The following ARFGAP1 variants were observed in gnomAD, a reference collection of about 807,000 sequenced individuals.
The protein encoded by ARFGAP1 is ARF GTPase activating protein 1.
Under a neutral mutation model 54.0 loss-of-function variants are expected in ARFGAP1, and 26 were observed. That is an observed-to-expected ratio of 0.48 (90% CI 0.35 to 0.67). The LOEUF (loss-of-function observed/expected upper bound fraction) is 0.67, where lower values mean the gene tolerates loss of function less well. Among genes scored for constraint, ARFGAP1 ranks in the 30% least tolerant of loss-of-function variants. ARFGAP1 has a pLI of 0.00. For synonymous variants in ARFGAP1, 248 were observed against 211.9 expected, an observed-to-expected ratio of 1.17 and a Z score of -1.48; for missense variants, 525 against 535.8, an observed-to-expected ratio of 0.98 and a Z score of 0.20.
intron 10 of ARFGAP1, 43 bp from the exon 11 acceptor site, chr20:63,285,611 A>T: frequency 6.3e-7 from 1 of 1,599,758 alleles, no homozygotes; most frequent in Non-Finnish European, 8.6e-7. Context: ...TTAAGCTTTC[A>T]TCTCTCCCGC....
chr20:63,273,235 G>C (rs1346541851), intron 1 of ARFGAP1: 1 of 151,494 alleles, frequency 6.6e-6, no homozygotes, highest in East Asian at 2.0e-4. Context: ...TCTCCCACCG[G>C]TTACGGGAGT....
At chr20:63,277,596 G>A (rs1011902408) in intron 5 of ARFGAP1, among the ~76,000 whole-genome samples, 1 of 152,178 alleles carries the variant, frequency 6.6e-6, no homozygotes, top group African/African-American at 2.4e-5. Flanking sequence ...ATCTGCTCAC[G>A]GGGGTGTTGT....
At chr20:63,279,066 G>A in intron 7 of ARFGAP1, 71 bp downstream of exon 7, 1 of 1,419,386 alleles carries the variant, frequency 7.0e-7, no homozygotes, top group Non-Finnish European at 9.9e-7. Flanking sequence ...GGCCATAGTG[G>A]GCAGTGTGGC....
At chr20:63,278,347 A>T in intron 6 of ARFGAP1, 144 bp downstream of exon 6, 1 of 752,736 alleles carries the variant, frequency 1.3e-6, no homozygotes, top group South Asian at 1.6e-5. Context: ...GATTGCAGTG[A>T]GTCCCAGCCA....
chr20:63,283,495 C>T lies in ARFGAP1; in HGVS notation c.717+644C>T, dbSNP rs1408960427. ...TGCATGGCTCTAGGACGCGCCTTTG[C>T]CCCCTGGGCGAGGGTGTCCTTTCTC... On this transcript the variant is annotated intron_variant, in intron 9 of 12. Transcript: ENST00000370283. 1.9e-5 allele frequency: 6 copies of T among 315,904 alleles called. No homozygotes were observed. The East Asian group carries it at 2.6e-4, about 14-fold the overall frequency. The allele number at this position is 315,904 out of a possible 1,614,324, so 19.6% of individuals were successfully genotyped here.
chr20:63,287,406 C>T (rs369107229), intron 12 of ARFGAP1, among the ~76,000 whole-genome samples, 158 bp from the exon 13 acceptor site: 2 of 152,274 alleles, frequency 1.3e-5, no homozygotes, highest in South Asian at 2.1e-4. Context: ...TGCTCTGAAG[C>T]GGGAGAAACA....
chr20:63,281,949 A>G (rs1012110810), intron 8 of ARFGAP1, among the ~76,000 whole-genome samples: 2 of 152,034 alleles, frequency 1.3e-5, no homozygotes, highest in Admixed American at 1.3e-4. Context: ...AGAAGCAGCC[A>G]AGGCACCTAG....
rs1291502128 is a variant in ARFGAP1 at position 63,287,976 on chromosome 20, C to T, written c.*103C>T. On this transcript the variant is annotated 3_prime_UTR_variant, in exon 13 of 13. Transcript: ENST00000370283. Reference sequence around the variant, plus strand: ...CATTTGACCCAAGAATCAGCAACTGCAGTGTGAGGACAGCGTCTCGGGAGG... The same window carrying T: ...CATTTGACCCAAGAATCAGCAACTGTAGTGTGAGGACAGCGTCTCGGGAGG... 9.3e-6 allele frequency: 12 copies of T among 1,293,168 alleles called. No homozygotes were observed. The highest frequency in any genetic ancestry group is 1.2e-5 in the Non-Finnish European group (12 of 965,670). 80.1% of individuals were successfully genotyped at this position (1,293,168 alleles called of 1,614,324 possible).
chr20:63,278,005 G>A, intron 5 of ARFGAP1, 112 bp from the exon 6 acceptor site: 1 of 927,776 alleles, frequency 1.1e-6, no homozygotes, highest in Non-Finnish European at 1.7e-6. Context: ...GTGCTCTCAG[G>A]GGTGACGTGA....
chr20:63,281,531 A>G (rs990009917), intron 8 of ARFGAP1, among the ~76,000 whole-genome samples, 184 bp downstream of exon 8: 11 of 152,176 alleles, frequency 7.2e-5, no homozygotes, highest in African/African-American at 2.7e-4. Context: ...GAGGTTCTGC[A>G]GGAACACAGC....
At position 63,277,315 on chromosome 20, in the gene ARFGAP1, C is replaced by A; in HGVS notation, c.443+10C>A. On this transcript the variant is annotated intron_variant, in intron 5 of 12. Coordinates refer to ENST00000370283, the MANE Select transcript of ARFGAP1 (RefSeq NM_018209.4). ...CGTCCATGGTGCACCGGTAGCTGCT[C>A]CTCGTGGGGCCTTAGTACAGTTTCC... 6.2e-7 allele frequency: 1 copy of A among 1,608,822 alleles called. No homozygotes were observed. Among genetic ancestry groups the A allele is most frequent in the Non-Finnish European group, 8.5e-7 (1 of 1,178,296 alleles).
At chr20:63,281,405 C>A in intron 8 of ARFGAP1, 58 bp downstream of exon 8, 1 of 1,537,734 alleles carries the variant, frequency 6.5e-7, no homozygotes, top group South Asian at 1.2e-5. Context: ...ACACTGGCTG[C>A]TGCTGGCCTG....
Position 63,278,904 on chromosome 20 carries a change from A to G in ARFGAP1, c.536A>G (p.Gln179Arg), listed in dbSNP as rs760415858. The G allele has an allele frequency of 4.3e-6, 7 of 1,614,036 alleles. No individual in the cohort carries two copies. The African/African-American group carries it at 9.3e-5, about 22-fold the overall frequency. ...NDDLGSYQGA[Q>R]GNRYVGFGNT... is the part of the protein sequence containing the mutation. ...CTTGTCCGCTTTGTTTTCAGGGCCCAGGGGAATCGCTACGTGGGGTTTGGG... is the reference window on the plus strand; with the variant it reads ...CTTGTCCGCTTTGTTTTCAGGGCCCGGGGGAATCGCTACGTGGGGTTTGGG... Residue 179 changes from glutamine (Q) to arginine (R), a missense_variant, in exon 7 of 13, where the codon CAG becomes CGG. Gln to Arg is a conservative substitution (Grantham distance 43, BLOSUM62 1). Coordinates refer to ENST00000370283, the MANE Select transcript of ARFGAP1 (RefSeq NM_018209.4).
In ARFGAP1 at chr20:63,284,913, G is replaced by A. The variant is rs770255541; in HGVS notation, c.765G>A (p.Ala255=). 21 of 1,613,192 alleles carry A rather than the reference G, an allele frequency of 1.3e-5. No individual in the cohort carries two copies. The highest frequency in any genetic ancestry group is 5.0e-5 in the Admixed American group (3 of 59,998). Residue 255 remains alanine, a synonymous_variant, in exon 10 of 13, where the codon GCG becomes GCA. Transcript: ENST00000370283. Reference sequence around the variant, plus strand: ...TGAACGAGAACGTCCTCAAGCCTGCGCAGGAGAAGGTAACGGGCAGCTCCG... The same window carrying A: ...TGAACGAGAACGTCCTCAAGCCTGCACAGGAGAAGGTAACGGGCAGCTCCG... ...HSLNENVLKP[A]QEKVKEGKIF...
chr20:63,278,053 C>T (rs2067278237), intron 5 of ARFGAP1, 64 bp from the exon 6 acceptor site: 1 of 1,474,184 alleles, frequency 6.8e-7, no homozygotes, highest in East Asian at 2.3e-5. Flanking sequence ...TCTGGGGGTG[C>T]TTCTGGGGTT....
Position 63,286,280 on chromosome 20 carries a change from C to T in ARFGAP1, c.835-86C>T, listed in dbSNP as rs549712895. ...TGCCTGGGTCTTCTCAGCGGGACGG[C>T]GCGTGCCGGCTTGCGTGTGGGGGCC... is the stretch of plus-strand genomic sequence containing the variant. On this transcript the variant is annotated intron_variant, in intron 11 of 12. Coordinates refer to ENST00000370283, the MANE Select transcript of ARFGAP1 (RefSeq NM_018209.4). The T allele has an allele frequency of 9.0e-5, 143 of 1,589,248 alleles. 1 individual carries two copies. In the East Asian group the frequency reaches 2.2e-3, roughly 24 times the overall value.
At chr20:63,277,571 G>A (rs929729261) in intron 5 of ARFGAP1, among the ~76,000 whole-genome samples, 7 of 152,188 alleles carry the variant, frequency 4.6e-5, no homozygotes, top group Non-Finnish European at 4.4e-5. Flanking sequence ...TGGCGCTGTG[G>A]GAGTTCACAT....
At chr20:63,275,517 T>C in intron 1 of ARFGAP1, 60 bp from the exon 2 acceptor site, 2 of 1,530,242 alleles carry the variant, frequency 1.3e-6, no homozygotes, top group Non-Finnish European at 1.8e-6. Flanking sequence ...CAGACGTTAT[T>C]TTCTTTTTTG....
rs962533448 is a variant in ARFGAP1 at position 63,288,468 on chromosome 20, C to T, written c.*595C>T. 1 of 455,962 alleles carries T rather than the reference C, an allele frequency of 2.2e-6. No homozygotes were observed. Among genetic ancestry groups the T allele is most frequent in the Non-Finnish European group, 4.4e-6 (1 of 226,802 alleles). The allele number at this position is 455,962 out of a possible 1,614,324, so 28.2% of individuals were successfully genotyped here. On this transcript the variant is annotated 3_prime_UTR_variant, in exon 13 of 13. Transcript: ENST00000370283. ...CGTCGGTCGTAACCCTCTGTGGCTC[C>T]CCTGCATCAGCACCGTCCCACCACC...
Sources: allele counts gnomAD v4.1 joint callset (sites outside exome capture counted in the v4.1 genomes callset), GRCh38; gene constraint gnomAD v4.1.1; transcripts MANE v1.5; gene names NCBI Gene and HGNC (gene_info 2026-07-23, HGNC 2026-07-21).